Variants in NCKAP5 observed in about 807,000 individuals in gnomAD.
NCKAP5 encodes nck-associated protein 5.
A neutral mutation model predicts 167.0 loss-of-function variants in NCKAP5; 92 were observed. The ratio of observed to expected loss-of-function variants is 0.55; its 90% confidence interval spans 0.47 to 0.66. The LOEUF is 0.66. Among genes scored for constraint, NCKAP5 ranks in the 30% least tolerant of loss-of-function variants. The pLI, the probability that NCKAP5 is intolerant of heterozygous loss-of-function variation, is 0.00. For synonymous variants in NCKAP5, 891 were observed against 877.4 expected, an observed-to-expected ratio of 1.02 and a Z score of -0.27; for missense variants, 2,378 against 2,315.0, an observed-to-expected ratio of 1.03 and a Z score of -0.56.
Position 132,783,892 on chromosome 2 carries a change from C to T in NCKAP5, c.2919G>A (p.Leu973=). The part of the protein sequence containing the change: ...ETARTPFKSP[L]LKGISAPVIS... ...TAACTGGAGCAGAAATTCCTTTCAG[C>T]AGCGGGGATTTGAATGGGGTCCTTG... The change falls in exon 14 of 20, where the codon CTG becomes CTA. Residue 973 remains leucine, a synonymous_variant. Transcript: ENST00000409261. The T allele has an allele frequency of 6.5e-7, 1 of 1,541,788 alleles. No homozygotes were observed. Among genetic ancestry groups the T allele is most frequent in the Non-Finnish European group, 8.7e-7 (1 of 1,148,656 alleles).
At chr2:132,936,473 T>TA (rs1181126411) in intron 8 of NCKAP5, among the ~76,000 whole-genome samples, 1 of 152,192 alleles carries the variant, frequency 6.6e-6, no homozygotes, top group East Asian at 1.9e-4. Context: ...CACACCCCCA[T>TA]AATAAAGGTT....
At chr2:132,922,747 CA>C (rs1349850622) in intron 8 of NCKAP5, among the ~76,000 whole-genome samples, 1 of 152,192 alleles carries the variant, frequency 6.6e-6, no homozygotes, top group African/African-American at 2.4e-5. Flanking sequence ...TGAGGAGCCT[CA>C]AAAATCATAC....
At chr2:132,923,116 G>T (rs1252400345) in intron 8 of NCKAP5, among the ~76,000 whole-genome samples, 1 of 152,146 alleles carries the variant, frequency 6.6e-6, no homozygotes, top group Non-Finnish European at 1.5e-5. Flanking sequence ...TTTCAGCAAA[G>T]TAATCTACTC....
chr2:132,774,282 T>C (rs185881750), intron 15 of NCKAP5, among the ~76,000 whole-genome samples: 1 of 152,184 alleles, frequency 6.6e-6, no homozygotes, highest in Admixed American at 6.5e-5. Context: ...GTATAATTCC[T>C]CCAGAGTCAG....
At chr2:133,534,231 A>C (rs1685581611) in intron 2 of NCKAP5, among the ~76,000 whole-genome samples, 1 of 152,230 alleles carries the variant, frequency 6.6e-6, no homozygotes, top group African/African-American at 2.4e-5. Flanking sequence ...TGAAGTAAGC[A>C]ATCTCTAAGA....
At chr2:133,344,347 G>A (rs1248529336) in intron 3 of NCKAP5, among the ~76,000 whole-genome samples, 1 of 150,434 alleles carries the variant, frequency 6.6e-6, no homozygotes, top group Non-Finnish European at 1.5e-5. Flanking sequence ...GGCAGAAGTT[G>A]TAGTGAGCTG....
intron 3 of NCKAP5, among the ~76,000 whole-genome samples, chr2:133,508,996 A>G (rs1197180574): frequency 6.6e-6 from 1 of 152,222 alleles, no homozygotes; most frequent in East Asian, 1.9e-4. Flanking sequence ...GCACAGAACT[A>G]CCTCTGATGC....
intron 2 of NCKAP5, among the ~76,000 whole-genome samples, chr2:133,555,537 A>G (rs561710556): frequency 6.6e-5 from 10 of 152,346 alleles, no homozygotes; most frequent in African/African-American, 2.2e-4. Context: ...CTTTTTCATA[A>G]GTTCTCACCT....
the NCKAP5 span, among the ~76,000 whole-genome samples, chr2:133,618,419 A>G: frequency 6.6e-6 from 1 of 151,762 alleles, no homozygotes; most frequent in East Asian, 1.9e-4. Context: ...ACAAAGGGCT[A>G]ATATCCAGAA....
In NCKAP5 at chr2:133,280,755, C is replaced by T. The variant is rs114034197; in HGVS notation, c.143+22282G>A. ...AACCTTGCCAGTTCTATGTAAATAG[C>T]GCTTTATTGGAATAGTTATACCTGT... On this transcript the variant is annotated intron_variant, in intron 4 of 19. Transcript: ENST00000409261. Among the ~76,000 whole-genome samples, 899 of 152,196 alleles carry T rather than the reference C, an allele frequency of 5.9e-3. 10 individuals carry two copies. Among genetic ancestry groups the T allele is most frequent in the African/African-American group, 0.02 (830 of 41,508 alleles).
intron 12 of NCKAP5, among the ~76,000 whole-genome samples, chr2:132,794,263 T>TATATAGAGAGAG (rs762281677): frequency 5.0e-4 from 6 of 11,916 alleles, no homozygotes; most frequent in Admixed American, 1.8e-3. Flanking sequence ...TATATATATA[T>TATATAGAGAGAG]AGAGAGAGAG....
chr2:133,151,280 T>G (rs1419662917), intron 5 of NCKAP5, among the ~76,000 whole-genome samples: 1 of 152,088 alleles, frequency 6.6e-6, no homozygotes, highest in Non-Finnish European at 1.5e-5. Context: ...GTGAAAGAAA[T>G]AATTGATAAG....
rs1394111302 is a variant in NCKAP5 at position 132,693,031 on chromosome 2, T to C, written c.5714-19726A>G. Among the ~76,000 whole-genome samples, 3 of 152,230 alleles carry C rather than the reference T, an allele frequency of 2.0e-5. No homozygotes were observed. The East Asian group carries it at 5.8e-4, about 29-fold the overall frequency. On this transcript the variant is annotated intron_variant, in intron 19 of 19. Transcript: ENST00000409261. ...TTACTGGCCTACCAACTATTTCTTT[T>C]GGCCACAAATTACAGCTGGAACAGC...
chr2:133,426,440 C>CAAA (rs77474242), intron 3 of NCKAP5, among the ~76,000 whole-genome samples: 10 of 73,046 alleles, frequency 1.4e-4, no homozygotes, highest in South Asian at 4.6e-4. Context: ...TAAAGTCTTC[C>CAAA]AAAAAAAAAA....
chr2:132,719,241 G>A (rs557030183), intron 19 of NCKAP5, among the ~76,000 whole-genome samples: 29 of 152,202 alleles, frequency 1.9e-4, no homozygotes, highest in African/African-American at 7.0e-4. Context: ...CCTTGTAAGA[G>A]GAGGTGATTG....
chr2:133,595,443 CT>C, the NCKAP5 span, among the ~76,000 whole-genome samples: 29 of 151,660 alleles, frequency 1.9e-4, no homozygotes, highest in Admixed American at 1.9e-3. Flanking sequence ...TTCTCCTCTC[CT>C]TTTCCTCTCT....
chr2:133,672,159 TAAGAG>T, the NCKAP5 span, among the ~76,000 whole-genome samples: 2 of 152,154 alleles, frequency 1.3e-5, no homozygotes, highest in African/African-American at 4.8e-5. Flanking sequence ...AAGGAGGAGC[TAAGAG>T]AAGAGTCAGG....
At chr2:133,193,817 C>T (rs1354712485) in intron 5 of NCKAP5, among the ~76,000 whole-genome samples, 2 of 151,954 alleles carry the variant, frequency 1.3e-5, no homozygotes, top group Non-Finnish European at 2.9e-5. Flanking sequence ...TGTACTTTGT[C>T]TTTTGATATA....
intron 5 of NCKAP5, among the ~76,000 whole-genome samples, chr2:133,154,265 T>G (rs1429250294): frequency 6.6e-6 from 1 of 152,216 alleles, no homozygotes; most frequent in Non-Finnish European, 1.5e-5. Context: ...CTTTCTTCTG[T>G]TTTCTAATCA....
Sources: gnomAD v4.1 joint callset for allele counts (sites outside exome capture counted in the v4.1 genomes callset) on GRCh38, gnomAD v4.1.1 for gene constraint, MANE v1.5 for transcripts, NCBI Gene and HGNC (gene_info 2026-07-23, HGNC 2026-07-21) for gene names.